NOSTRIN: variants seen among roughly 807,000 people sequenced by gnomAD.
NOSTRIN encodes the protein nitric oxide synthase trafficking, also known as BM247 homolog.
Under a neutral mutation model 59.0 loss-of-function variants are expected in NOSTRIN, and 63 were observed. That is an observed-to-expected ratio of 1.07 (90% confidence interval 0.87 to 1.32). The LOEUF (loss-of-function observed/expected upper bound fraction) is 1.32. Ranked by LOEUF, NOSTRIN falls within the 40% of genes most tolerant of loss-of-function variation. The pLI is 0.00. For missense variants in NOSTRIN, 512 were observed against 473.1 expected (o/e 1.08, Z -0.76); for synonymous variants, 200 against 165.4 (o/e 1.21, Z -1.61).
Position 168,859,289 on chromosome 2 carries a change from G to T in NOSTRIN, c.1054-223G>T. 6.4e-6 allele frequency: 3 copies of T among 471,964 alleles called. No individual in the cohort carries two copies. The South Asian group carries it at 1.3e-4, about 20-fold the overall frequency. 29.2% of individuals were successfully genotyped at this position (471,964 alleles called of 1,614,324 possible). A position where few individuals can be genotyped will look rare whatever the true frequency, so the allele number is the denominator to read the frequency against. ...TACCAAGGTTTCCTGTTCACCCCCA[G>T]AGTACAGAATGAGACACACTCAACA... On this transcript the variant is annotated intron_variant, in intron 12 of 15. Transcript: ENST00000317647.
upstream of NOSTRIN, among the ~76,000 whole-genome samples, chr2:168,793,838 A>T (rs1184238006): frequency 1.3e-5 from 2 of 152,186 alleles, no homozygotes; most frequent in African/African-American, 4.8e-5. Context: ...AATTTTCTGG[A>T]TACAACAGAA....
intron 2 of NOSTRIN, chr2:168,818,145 T>C (rs830026): frequency 0.88 from 231,572 of 263,706 alleles, 101,929 homozygotes; most frequent in East Asian, 0.97. Context: ...AGGGCTTAGC[T>C]CTATTTTATT....
intron 2 of NOSTRIN, among the ~76,000 whole-genome samples, chr2:168,815,016 A>G: frequency 6.6e-6 from 1 of 152,206 alleles, no homozygotes; most frequent in East Asian, 1.9e-4. Flanking sequence ...GCATTTCCAG[A>G]CCCCTTACTT....
upstream of NOSTRIN, among the ~76,000 whole-genome samples, chr2:168,793,894 C>T (rs1347157131): frequency 6.6e-6 from 1 of 152,198 alleles, no homozygotes; most frequent in Non-Finnish European, 1.5e-5. Context: ...TATCAAGTGT[C>T]AGCAAGTGTG....
intron 15 of NOSTRIN, among the ~76,000 whole-genome samples, chr2:168,862,655 T>C (rs1689538508): frequency 6.6e-6 from 1 of 152,224 alleles, no homozygotes. Flanking sequence ...GAGATCCCCT[T>C]CTTTGTGTCA....
At chr2:168,849,591 G>C (rs1169050378) in intron 8 of NOSTRIN, among the ~76,000 whole-genome samples, 1 of 149,548 alleles carries the variant, frequency 6.7e-6, no homozygotes, top group Non-Finnish European at 1.5e-5. Context: ...CCTGACCTCA[G>C]GTAGTTCACC....
At chr2:168,844,572 G>A (rs917716748) in intron 8 of NOSTRIN, among the ~76,000 whole-genome samples, 1 of 152,132 alleles carries the variant, frequency 6.6e-6, no homozygotes, top group Non-Finnish European at 1.5e-5. Flanking sequence ...ATGAAGCAAT[G>A]AGCCTGAGAT....
At chr2:168,805,170 C>A (rs1279705779) in intron 1 of NOSTRIN, among the ~76,000 whole-genome samples, 1 of 152,142 alleles carries the variant, frequency 6.6e-6, no homozygotes, top group African/African-American at 2.4e-5. Flanking sequence ...TCTTTTAGAT[C>A]AAGCTCTAAT....
chr2:168,863,670 GTGA>G, intron 15 of NOSTRIN: 4 of 25,782 alleles, frequency 1.6e-4, no homozygotes, highest in Non-Finnish European at 1.7e-4. Flanking sequence ...GTGCAAAGCT[GTGA>G]GTGAGTTAAA....
Position 168,814,302 on chromosome 2 carries a change from A to T in NOSTRIN, c.113+2650A>T, listed in dbSNP as rs185361778. On this transcript the variant is annotated intron_variant, in intron 2 of 15. Transcript: ENST00000317647. ...TGGTTATGGTTGTTAAACCATATCA[A>T]CAAGGATGGATGGTCACAGCATGGC... Among the ~76,000 whole-genome samples, 279 of 152,322 alleles carry T rather than the reference A, an allele frequency of 1.8e-3. 1 individual carries two copies. Among genetic ancestry groups the T allele is most frequent in the African/African-American group, 6.4e-3 (266 of 41,574 alleles).
Position 168,829,478 on chromosome 2 carries a change from G to A in NOSTRIN, c.342+977G>A, listed in dbSNP as rs757378391. Among the ~76,000 whole-genome samples, 167 of 152,008 alleles carry A rather than the reference G, an allele frequency of 1.1e-3. 1 individual carries two copies. Among genetic ancestry groups the A allele is most frequent in the Non-Finnish European group, 1.9e-3 (128 of 67,984 alleles). ...TGACATTACAGGTGCCTGCCACCAC[G>A]CCTGGCTAATTTTTGTATTTTTAGT... On this transcript the variant is annotated intron_variant, in intron 5 of 15. Coordinates refer to ENST00000317647, the MANE Select transcript of NOSTRIN (RefSeq NM_001039724.4).
chr2:168,844,838 C>G (rs1332155259), intron 8 of NOSTRIN, among the ~76,000 whole-genome samples: 2 of 150,446 alleles, frequency 1.3e-5, no homozygotes, highest in Non-Finnish European at 2.9e-5. Flanking sequence ...CCACTGCACA[C>G]TAGCCTAGGC....
At chr2:168,793,710 A>G (rs961577897), upstream of NOSTRIN, among the ~76,000 whole-genome samples, 1 of 152,246 alleles carries the variant, frequency 6.6e-6, no homozygotes, top group African/African-American at 2.4e-5. Context: ...CCTTTTGGTT[A>G]AAGTTAAAAC....
chr2:168,856,592 TG>T, intron 11 of NOSTRIN, 97 bp from the exon 12 acceptor site: 1 of 1,020,766 alleles, frequency 9.8e-7, no homozygotes, highest in Non-Finnish European at 1.5e-6. Flanking sequence ...AAAATCTCAC[TG>T]GTATCACTTC....
intron 2 of NOSTRIN, among the ~76,000 whole-genome samples, chr2:168,820,279 G>C (rs1325660340): frequency 2.6e-5 from 4 of 152,088 alleles, no homozygotes; most frequent in Non-Finnish European, 5.9e-5. Flanking sequence ...CTGTGCCTTG[G>C]TGTTCCGTTC....
intron 1 of NOSTRIN, among the ~76,000 whole-genome samples, chr2:168,808,370 C>G (rs1685970024): frequency 6.6e-6 from 1 of 152,208 alleles, no homozygotes; most frequent in Non-Finnish European, 1.5e-5. Flanking sequence ...ACTCCTGCTT[C>G]CCCTAATGGG....
intron 5 of NOSTRIN, among the ~76,000 whole-genome samples, chr2:168,829,021 TTTTTAAAATAA>T (rs1440379928): frequency 6.6e-6 from 1 of 152,172 alleles, no homozygotes; most frequent in Non-Finnish European, 1.5e-5. Context: ...CTTTTTTGCA[TTTTTAAAATAA>T]TTTTATTCTA....
At chr2:168,828,033 G>A in intron 3 of NOSTRIN, 125 bp from the exon 4 acceptor site, 1 of 716,780 alleles carries the variant, frequency 1.4e-6, no homozygotes, top group South Asian at 1.6e-5. Flanking sequence ...TTGAAATAAG[G>A]TTAGGGAAGT....
At chr2:168,794,915 G>C (rs1413035086), upstream of NOSTRIN, among the ~76,000 whole-genome samples, 1 of 152,138 alleles carries the variant, frequency 6.6e-6, no homozygotes, top group Non-Finnish European at 1.5e-5. Flanking sequence ...TTTTTAACAG[G>C]TATTGCAGGC....
Sources: gnomAD v4.1 joint callset for allele counts (sites outside exome capture counted in the v4.1 genomes callset) on GRCh38, gnomAD v4.1.1 for gene constraint, MANE v1.5 for transcripts, NCBI Gene and HGNC (gene_info 2026-07-23, HGNC 2026-07-21) for gene names.